TRIM38: variants seen among roughly 807,000 people sequenced by gnomAD.
TRIM38 encodes the protein tripartite motif containing 38, also known as E3 ubiquitin-protein ligase TRIM38.
Under a neutral mutation model 35.8 loss-of-function variants are expected in TRIM38, and 35 were observed. That is an observed-to-expected ratio of 0.98 (90% CI 0.75 to 1.30). TRIM38 has a LOEUF of 1.30. Among genes scored for constraint, TRIM38 ranks in the 50% most tolerant of loss-of-function variants. The probability of loss-of-function intolerance (pLI) is 0.00; values close to 1 mark genes in which losing one functional copy is unlikely to be tolerated. For synonymous variants in TRIM38, 198 were observed against 204.7 expected (o/e 0.97, Z 0.28); for missense variants, 545 against 556.9 (o/e 0.98, Z 0.21).
chr6:25,967,692 A>T (rs1374287726), intron 3 of TRIM38, among the ~76,000 whole-genome samples: 1 of 151,262 alleles, frequency 6.6e-6, no homozygotes, highest in East Asian at 1.9e-4. Flanking sequence ...ATGCCCCACC[A>T]TACCTGGATA....
Position 25,984,450 on chromosome 6 carries a change from C to T in TRIM38, c.*763C>T, listed in dbSNP as rs1439431883. The T allele has an allele frequency of 6.6e-6, 1 of 152,260 alleles. No individual in the cohort carries two copies. Among genetic ancestry groups the T allele is most frequent in the African/African-American group, 2.4e-5 (1 of 41,404 alleles). The allele number at this position is 152,260 out of a possible 1,614,324, so 9.4% of individuals were successfully genotyped here. ...ATGATTCAGAGAAGAGCAAATAGAC[C>T]TTAACTTCATTTTGAAAAAGACCAA... On this transcript the variant is annotated 3_prime_UTR_variant, in exon 8 of 8. Transcript: ENST00000357085.
chr6:25,989,995 C>G lies in TRIM38; in HGVS notation c.*6308C>G, dbSNP rs954502574. 2 of 147,474 alleles carry G rather than the reference C, an allele frequency of 1.4e-5. No homozygotes were observed. Among genetic ancestry groups the G allele is most frequent in the Non-Finnish European group, 3.0e-5 (2 of 67,276 alleles). The allele number at this position is 147,474 out of a possible 1,614,324, so 9.1% of individuals were successfully genotyped here. A position where few individuals can be genotyped will look rare whatever the true frequency, so the allele number is the denominator to read the frequency against. ...TGCAGAAAATGGCTTTCAATATTGT[C>G]TACTTTATCATCCTTTTTTTTTTTT... is the stretch of plus-strand genomic sequence containing the variant. On this transcript the variant is annotated 3_prime_UTR_variant, in exon 8 of 8. Transcript: ENST00000357085.
chr6:25,969,884 C>T (rs36125084), intron 4 of TRIM38, among the ~76,000 whole-genome samples: 24,256 of 152,044 alleles, frequency 0.16, 2,088 homozygotes, highest in Middle Eastern at 0.23. Context: ...ACTACTCTAG[C>T]TCATGAAGCT....
chr6:25,978,475 A>G (rs143102450), intron 7 of TRIM38, among the ~76,000 whole-genome samples: 2,835 of 152,094 alleles, frequency 0.019, 44 homozygotes, highest in African/African-American at 0.043. Flanking sequence ...TGAAGCATTG[A>G]TTGGTACATA....
Position 25,966,415 on chromosome 6 carries a change from A to G in TRIM38, c.-108A>G, listed in dbSNP as rs1449404911. ...AGACCTATGGAAGTCAGTTGCAGCCAGCTCATCACATAGAGGTGCAGGTGA... is the reference window on the plus strand; with the variant it reads ...AGACCTATGGAAGTCAGTTGCAGCCGGCTCATCACATAGAGGTGCAGGTGA... On this transcript the variant is annotated 5_prime_UTR_variant, in exon 3 of 8. Coordinates refer to ENST00000357085, the MANE Select transcript of TRIM38 (RefSeq NM_006355.5). 5.0e-6 allele frequency: 6 copies of G among 1,189,602 alleles called. No individual in the cohort carries two copies. The highest frequency in any genetic ancestry group is 6.9e-6 in the Non-Finnish European group (6 of 874,372). The allele number at this position is 1,189,602 out of a possible 1,614,324, so 73.7% of individuals were successfully genotyped here. A position where few individuals can be genotyped will look rare whatever the true frequency, so the allele number is the denominator to read the frequency against.
chr6:25,967,997 T>C (rs1016371632), intron 3 of TRIM38, among the ~76,000 whole-genome samples: 1 of 152,182 alleles, frequency 6.6e-6, no homozygotes, highest in African/African-American at 2.4e-5. Context: ...TTGTGTACCA[T>C]CCAGATTTCT....
chr6:25,983,404 C>T lies in TRIM38; in HGVS notation c.1115C>T (p.Thr372Ile). ...GVCMENVQRG[T>I]GMKQEPQSGF... ...TGTATGGAAAATGTGCAGAGGGGCA[C>T]TGGCATGAAGCAAGAGCCTCAGTCT... Residue 372 changes from threonine to isoleucine, a missense_variant, in exon 8 of 8, where the codon ACT becomes ATT. Coordinates refer to ENST00000357085, the MANE Select transcript of TRIM38 (RefSeq NM_006355.5). 10 of 1,614,122 alleles carry T rather than the reference C, an allele frequency of 6.2e-6. No individual in the cohort carries two copies. The highest frequency in any genetic ancestry group is 8.5e-6 in the Non-Finnish European group (10 of 1,180,020).
At chr6:25,964,034 G>A (rs1440008049) in intron 2 of TRIM38, among the ~76,000 whole-genome samples, 1 of 152,082 alleles carries the variant, frequency 6.6e-6, no homozygotes, top group Admixed American at 6.5e-5. Flanking sequence ...TCATGATGGT[G>A]TAGGAGCCAA....
chr6:25,980,220 T>C (rs1760506660), intron 7 of TRIM38, among the ~76,000 whole-genome samples: 1 of 152,224 alleles, frequency 6.6e-6, no homozygotes, highest in Admixed American at 6.5e-5. Flanking sequence ...CTTATTTCTT[T>C]CTTTTGGTCT....
chr6:25,985,218 G>A lies in TRIM38; in HGVS notation c.*1531G>A, dbSNP rs1760678289. On this transcript the variant is annotated 3_prime_UTR_variant, in exon 8 of 8. Coordinates refer to ENST00000357085, the MANE Select transcript of TRIM38 (RefSeq NM_006355.5). ...TTGTGAAGGTGTCTTCTTACTCGGG[G>A]AAGAACAAAAGTTAGTCACCAGAGA... 1 of 150,710 alleles carries A rather than the reference G, an allele frequency of 6.6e-6. No homozygotes were observed. Among genetic ancestry groups the A allele is most frequent in the African/African-American group, 2.4e-5 (1 of 40,878 alleles). 9.3% of individuals were successfully genotyped at this position (150,710 alleles called of 1,614,324 possible). A position where few individuals can be genotyped will look rare whatever the true frequency, so the allele number is the denominator to read the frequency against.
intron 7 of TRIM38, among the ~76,000 whole-genome samples, chr6:25,978,396 G>T (rs1431880440): frequency 6.6e-6 from 1 of 151,976 alleles, no homozygotes; most frequent in South Asian, 2.1e-4. Flanking sequence ...GTCTATATCT[G>T]TATCTATCTA....
chr6:25,966,447 T>G lies in TRIM38; in HGVS notation c.-76T>G. ...CACATAGAGGTGCAGGTGAGGTGTA[T>G]TTTCATCACGGTGGAAAATTCTGGC... On this transcript the variant is annotated 5_prime_UTR_variant, in exon 3 of 8. Coordinates refer to ENST00000357085, the MANE Select transcript of TRIM38 (RefSeq NM_006355.5). 2.0e-6 allele frequency: 3 copies of G among 1,469,698 alleles called. No homozygotes were observed. The highest frequency in any genetic ancestry group is 1.8e-6 in the Non-Finnish European group (2 of 1,107,296). The allele number at this position is 1,469,698 out of a possible 1,614,324, so 91.0% of individuals were successfully genotyped here.
At chr6:25,971,370 T>A (rs1472880908) in intron 4 of TRIM38, among the ~76,000 whole-genome samples, 3 of 152,214 alleles carry the variant, frequency 2.0e-5, no homozygotes. Flanking sequence ...GGGACATTCT[T>A]CCAGCTTCAG....
chr6:25,979,112 ATAT>A (rs1760478585), intron 7 of TRIM38, among the ~76,000 whole-genome samples: 1 of 151,960 alleles, frequency 6.6e-6, no homozygotes, highest in Non-Finnish European at 1.5e-5. Flanking sequence ...TATGCTATAC[ATAT>A]TATATATGTA....
Position 25,990,879 on chromosome 6 carries a change from A to T in TRIM38, c.*7192A>T, listed in dbSNP as rs1760814878. 1 of 152,204 alleles carries T rather than the reference A, an allele frequency of 6.6e-6. No homozygotes were observed. 9.4% of individuals were successfully genotyped at this position (152,204 alleles called of 1,614,324 possible). A position where few individuals can be genotyped will look rare whatever the true frequency, so the allele number is the denominator to read the frequency against. On this transcript the variant is annotated 3_prime_UTR_variant, in exon 8 of 8. Coordinates refer to ENST00000357085, the MANE Select transcript of TRIM38 (RefSeq NM_006355.5). ...TGTGATACATTTTTTAAAACACATT[A>T]AATTATCACCAGAAAAGTGCTGTGA... is the stretch of plus-strand genomic sequence containing the variant.
chr6:25,979,089 A>G (rs1760478032), intron 7 of TRIM38, among the ~76,000 whole-genome samples: 1 of 152,076 alleles, frequency 6.6e-6, no homozygotes, highest in South Asian at 2.1e-4. Context: ...ATACATATAT[A>G]ATATGTAGAA....
At chr6:25,976,382 G>A (rs559228821) in intron 7 of TRIM38, among the ~76,000 whole-genome samples, 9 of 152,206 alleles carry the variant, frequency 5.9e-5, no homozygotes, top group South Asian at 4.2e-4. Flanking sequence ...ATCCTCCCAC[G>A]TCAGCTTCCC....
intron 7 of TRIM38, chr6:25,973,601 T>C (rs1760305191): frequency 2.0e-6 from 2 of 977,812 alleles, no homozygotes; most frequent in Non-Finnish European, 1.2e-6. Context: ...ATCATCAAAA[T>C]TAAATGCATC....
chr6:25,974,351 G>A (rs1397952963), intron 7 of TRIM38, among the ~76,000 whole-genome samples: 3 of 152,136 alleles, frequency 2.0e-5, no homozygotes, highest in African/African-American at 7.2e-5. Flanking sequence ...TTCTAACATG[G>A]CCAGTTATTT....
Sources: gnomAD v4.1 joint callset for allele counts (sites outside exome capture counted in the v4.1 genomes callset) on GRCh38, gnomAD v4.1.1 for gene constraint, MANE v1.5 for transcripts, NCBI Gene and HGNC (gene_info 2026-07-23, HGNC 2026-07-21) for gene names.